BEAN1: variants seen among roughly 807,000 people sequenced by gnomAD.
The protein encoded by BEAN1 is protein BEAN1.
BEAN1 carries 17 observed loss-of-function variants against 17.7 expected under a neutral mutation model. The ratio of observed to expected loss-of-function variants is 0.96; its 90% CI spans 0.66 to 1.44. The LOEUF is 1.44. Among genes scored for constraint, BEAN1 ranks in the 40% most tolerant of loss-of-function variants. The pLI is 0.00. For missense variants in BEAN1, 359 were observed against 374.1 expected (o/e 0.96, Z 0.33); for synonymous variants, 142 against 151.8 (o/e 0.94, Z 0.47).
At chr16:66,442,110 C>A (rs1312799248) in intron 2 of BEAN1, among the ~76,000 whole-genome samples, 1 of 152,252 alleles carries the variant, frequency 6.6e-6, no homozygotes, top group African/African-American at 2.4e-5. Context: ...AGATCAGTTT[C>A]TCTGCCAGCA....
chr16:66,462,042 C>T (rs1471888270), intron 2 of BEAN1, among the ~76,000 whole-genome samples: 1 of 152,194 alleles, frequency 6.6e-6, no homozygotes, highest in Admixed American at 6.5e-5. Flanking sequence ...CTGAGTCTGC[C>T]TTCTGAACTG....
rs1192550309 is a variant in BEAN1, at chr16:66,427,472, CG to C, written c.-83+47del. 1.5e-5 allele frequency: 2 copies of C among 137,326 alleles called. No individual in the cohort carries two copies. Among genetic ancestry groups the C allele is most frequent in the Non-Finnish European group, 3.2e-5 (2 of 61,646 alleles). 8.5% of individuals were successfully genotyped at this position (137,326 alleles called of 1,614,324 possible). On this transcript the variant is annotated intron_variant, in intron 1 of 4. Coordinates refer to ENST00000536005, the MANE Select transcript of BEAN1 (RefSeq NM_001178020.3). This position sits in a 1 kb window ranked among gnomAD's most constrained non-coding sequence, Gnocchi z 4.7. ...CTGGGCGGCGCGGGGGAGGGGCGGG[CG>C]GGGGGTCCCGGCCCCATTCCCCCGC...
At chr16:66,442,369 C>T (rs749919481) in intron 2 of BEAN1, among the ~76,000 whole-genome samples, 10 of 152,216 alleles carry the variant, frequency 6.6e-5, no homozygotes, top group African/African-American at 2.4e-4. Context: ...GGCAGCCCGC[C>T]TCCCTCTGGC....
intron 2 of BEAN1, among the ~76,000 whole-genome samples, chr16:66,441,048 A>T (rs1962235976): frequency 6.6e-6 from 1 of 152,118 alleles, no homozygotes; most frequent in Non-Finnish European, 1.5e-5. Context: ...TTGCTCATTC[A>T]TTAAGTCTCT....
At chr16:66,440,626 C>G (rs1203798848) in intron 2 of BEAN1, among the ~76,000 whole-genome samples, 1 of 152,224 alleles carries the variant, frequency 6.6e-6, no homozygotes, top group African/African-American at 2.4e-5. Flanking sequence ...AGTGCAGCCC[C>G]CGCCCTTCTC....
chr16:66,467,129 A>G (rs1190042267), intron 2 of BEAN1, among the ~76,000 whole-genome samples: 8 of 152,240 alleles, frequency 5.3e-5, no homozygotes, highest in African/African-American at 2.4e-5. Context: ...TACATGCATC[A>G]TAACCTATAA....
chr16:66,458,233 G>A (rs1962946571), intron 2 of BEAN1, among the ~76,000 whole-genome samples: 2 of 152,172 alleles, frequency 1.3e-5, no homozygotes. Flanking sequence ...GCTGCAAAGA[G>A]CACTTCCCTG....
chr16:66,494,070 C>T (rs1964215167), downstream of BEAN1, among the ~76,000 whole-genome samples: 1 of 152,200 alleles, frequency 6.6e-6, no homozygotes, highest in African/African-American at 2.4e-5. Context: ...GGCACCAGTA[C>T]CCACCCAAAG....
chr16:66,445,103 T>C (rs1159896402), intron 2 of BEAN1, among the ~76,000 whole-genome samples: 2 of 152,198 alleles, frequency 1.3e-5, no homozygotes, highest in African/African-American at 4.8e-5. Flanking sequence ...GGTGCCAACA[T>C]AGCCAGAAGA....
At chr16:66,477,739 T>G (rs1234516129) in intron 4 of BEAN1, 29 bp downstream of exon 4, 1 of 1,519,388 alleles carries the variant, frequency 6.6e-7, no homozygotes. Flanking sequence ...GAAGGGGGCA[T>G]CAGAGGATGG....
rs1367829760 is a variant in BEAN1, at chr16:66,473,364, C to G, written c.289+3499C>G. 6.6e-6 allele frequency among the ~76,000 whole-genome samples: 1 copy of G among 152,178 alleles called. No individual in the cohort carries two copies. The highest frequency in any genetic ancestry group is 1.5e-5 in the Non-Finnish European group (1 of 68,036). ...CTGTGGGGTTCCGGCCTCCCTGCCC[C>G]ACTTCTGCACTCGGCTACAGCTTTG... On this transcript the variant is annotated intron_variant, in intron 3 of 4. Transcript: ENST00000536005. The surrounding 1 kb of genome is among the most constrained non-coding windows in gnomAD (Gnocchi z 4.5).
In BEAN1 at chr16:66,466,398, TTC is replaced by T. The variant is rs578195960; in HGVS notation, c.26-3198_26-3197del. Reference sequence around the variant, plus strand: ...TTCCACTCTAATCTTTATTATTTCCTTCTCTCTGCCCACTTCAGATTTTAGTT... The same window carrying T: ...TTCCACTCTAATCTTTATTATTTCCTTCTCTGCCCACTTCAGATTTTAGTT... On this transcript the variant is annotated intron_variant, in intron 2 of 4. Coordinates refer to ENST00000536005, the MANE Select transcript of BEAN1 (RefSeq NM_001178020.3). Among the ~76,000 whole-genome samples, 1,094 of 152,342 alleles carry T rather than the reference TTC, an allele frequency of 7.2e-3. 7 individuals carry two copies. Among genetic ancestry groups the T allele is most frequent in the African/African-American group, 0.025 (1,024 of 41,582 alleles).
At chr16:66,493,113 T>G in exon 5 of BEAN1, 1 of 702,922 alleles carries the variant, frequency 1.4e-6, no homozygotes. Context: ...AAGCAGATGG[T>G]GTTCAAGATC....
chr16:66,468,144 C>T (rs1401627764), intron 2 of BEAN1, among the ~76,000 whole-genome samples: 1 of 152,256 alleles, frequency 6.6e-6, no homozygotes, highest in African/African-American at 2.4e-5. Flanking sequence ...AGAGGCCTCA[C>T]TCTCCTGAGG....
chr16:66,471,525 T>C lies in BEAN1; in HGVS notation c.289+1660T>C, dbSNP rs944136576. Among the ~76,000 whole-genome samples, 1 of 152,166 alleles carries C rather than the reference T, an allele frequency of 6.6e-6. No homozygotes were observed. The highest frequency in any genetic ancestry group is 1.5e-5 in the Non-Finnish European group (1 of 68,014). On this transcript the variant is annotated intron_variant, in intron 3 of 4. Coordinates refer to ENST00000536005, the MANE Select transcript of BEAN1 (RefSeq NM_001178020.3). This position sits in a 1 kb window ranked among gnomAD's most constrained non-coding sequence, Gnocchi z 4.7. ...CCGGCAGACACGTACATGGCCACAG[T>C]GGGTGTCACTCAGACCTGGATGTTG...
rs1453401074 is a variant in BEAN1, at chr16:66,468,845, A to G, written c.26-757A>G. The stretch of plus-strand genomic sequence containing the variant: ...CAGCATCTTTTCCGGTGAGAGGACT[A>G]AGTCACCCGTCCCCAGGAGCTTCTT... On this transcript the variant is annotated intron_variant, in intron 2 of 4. Coordinates refer to ENST00000536005, the MANE Select transcript of BEAN1 (RefSeq NM_001178020.3). Among the ~76,000 whole-genome samples, 4 of 152,192 alleles carry G rather than the reference A, an allele frequency of 2.6e-5. No individual in the cohort carries two copies. In the East Asian group the frequency reaches 7.7e-4, roughly 29 times the overall value.
chr16:66,490,660 T>A (rs1165618304), intron 4 of BEAN1, among the ~76,000 whole-genome samples: 3 of 152,058 alleles, frequency 2.0e-5, no homozygotes, highest in Non-Finnish European at 4.4e-5. Flanking sequence ...AGAGTATGCC[T>A]CTGCAGCCAG....
rs1385849111 is a variant in BEAN1 at position 66,429,867 on chromosome 16, T to G, written c.-83+2436T>G. Among the ~76,000 whole-genome samples the G allele has an allele frequency of 2.6e-5, 4 of 152,198 alleles. No individual in the cohort carries two copies. In the East Asian group the frequency reaches 7.7e-4, roughly 29 times the overall value. On this transcript the variant is annotated intron_variant, in intron 1 of 4. Transcript: ENST00000536005. ...CAGCCAGTGGGGAATGTGACGGGGA[T>G]GCAGGCATTACTGTCAGGCTTTAGG...
rs1006845098 is a variant in BEAN1, at chr16:66,434,587, A to C, written c.-82-3008A>C. Among the ~76,000 whole-genome samples, 1 of 152,142 alleles carries C rather than the reference A, an allele frequency of 6.6e-6. No individual in the cohort carries two copies. Among genetic ancestry groups the C allele is most frequent in the Admixed American group, 6.5e-5 (1 of 15,282 alleles). Reference sequence around the variant, plus strand: ...TGGGACACCGCGTAGGTGCTTGGGAAATGAATCAATGGATGCAAGCCTGGG... The same window carrying C: ...TGGGACACCGCGTAGGTGCTTGGGACATGAATCAATGGATGCAAGCCTGGG... On this transcript the variant is annotated intron_variant, in intron 1 of 4. Coordinates refer to ENST00000536005, the MANE Select transcript of BEAN1 (RefSeq NM_001178020.3). This position sits in a 1 kb window ranked among gnomAD's most constrained non-coding sequence, Gnocchi z 4.3.
Sources: gnomAD v4.1 joint callset for allele counts (sites outside exome capture counted in the v4.1 genomes callset) on GRCh38, gnomAD v4.1.1 for gene constraint, Gnocchi (gnomAD v3.1) non-coding constraint, MANE v1.5 for transcripts, NCBI Gene and HGNC (gene_info 2026-07-23, HGNC 2026-07-21) for gene names.